Variants in EFHC2 observed in about 807,000 individuals in gnomAD.
EFHC2 encodes the protein EF-hand domain-containing family member C2.
In EFHC2, 18 loss-of-function variants were observed where a neutral mutation model predicts 52.7. That is an observed-to-expected ratio of 0.34 (90% confidence interval 0.24 to 0.51). The LOEUF is 0.51. EFHC2 is among the 20% of genes least tolerant of loss of function. EFHC2 has a pLI of 0.97. For synonymous variants in EFHC2, 203 were observed against 204.1 expected, an observed-to-expected ratio of 0.99 and a Z score of 0.04; for missense variants, 513 against 562.5, an observed-to-expected ratio of 0.91 and a Z score of 0.89.
At chrX:44,263,518 T>C (rs932607570) in intron 3 of EFHC2, among the ~76,000 whole-genome samples, 19 of 111,896 alleles carry the variant, frequency 1.7e-4, no homozygotes, top group African/African-American at 5.8e-4. Context: ...AATAAAACTA[T>C]AAAATTAGAA....
At chrX:44,255,121 A>G (rs1484393755) in intron 4 of EFHC2, among the ~76,000 whole-genome samples, 1 of 112,443 alleles carries the variant, frequency 8.9e-6, no homozygotes, top group Non-Finnish European at 1.9e-5. Flanking sequence ...CTCCTGAAGG[A>G]AGCACTAAAT....
intron 12 of EFHC2, 109 bp downstream of exon 12, chrX:44,178,258 G>A: frequency 1.4e-6 from 1 of 718,971 alleles, no homozygotes; most frequent in East Asian, 3.5e-5. Context: ...GTATGAGTAT[G>A]ATGACACATG....
chrX:44,187,018 CTGAGGTAGGAGGATCATT>C (rs1163853715), intron 11 of EFHC2, among the ~76,000 whole-genome samples: 1 of 105,815 alleles, frequency 9.5e-6, no homozygotes, highest in Non-Finnish European at 1.9e-5. Context: ...ACTCGGGAGG[CTGAGGTAGGAGGATCATT>C]TGAGCCAAGG....
intron 1 of EFHC2, among the ~76,000 whole-genome samples, chrX:44,315,553 A>T (rs1474619180): frequency 9.0e-6 from 1 of 111,205 alleles, no homozygotes; most frequent in African/African-American, 3.3e-5. Flanking sequence ...TGGCCCACCC[A>T]AGCTTACACA....
intron 2 of EFHC2, among the ~76,000 whole-genome samples, chrX:44,296,614 T>C (rs951908172): frequency 8.9e-6 from 1 of 111,944 alleles, no homozygotes; most frequent in African/African-American, 3.2e-5. Context: ...TTATGAATAA[T>C]AGGCATGTAA....
chrX:44,309,199 T>C (rs1233414186), intron 2 of EFHC2: 1 of 381,334 alleles, frequency 2.6e-6, no homozygotes, highest in Admixed American at 3.9e-5. Flanking sequence ...GTTTTAAAGA[T>C]GCTGTTAATG....
At chrX:44,331,841 T>C (rs145346117) in intron 1 of EFHC2, among the ~76,000 whole-genome samples, 2 of 110,536 alleles carry the variant, frequency 1.8e-5, no homozygotes, top group Non-Finnish European at 1.9e-5. Context: ...GGAGGATCGA[T>C]TAATCCAGGG....
intron 2 of EFHC2, among the ~76,000 whole-genome samples, chrX:44,294,817 A>G (rs961072139): frequency 4.5e-5 from 5 of 112,080 alleles, no homozygotes; most frequent in Non-Finnish European, 5.6e-5. Context: ...ATTAGGAAAG[A>G]CTTAATAATA....
intron 2 of EFHC2, among the ~76,000 whole-genome samples, chrX:44,312,343 A>G (rs1008898036): frequency 2.7e-5 from 3 of 112,179 alleles, no homozygotes; most frequent in Non-Finnish European, 5.6e-5. Context: ...CATGTTGTAC[A>G]CCATAAATAT....
At chrX:44,243,404 G>T (rs1190510223) in intron 7 of EFHC2, among the ~76,000 whole-genome samples, 3 of 112,247 alleles carry the variant, frequency 2.7e-5, no homozygotes, top group Non-Finnish European at 5.6e-5. Flanking sequence ...CATAGAGGAA[G>T]AGTACAAATT....
intron 11 of EFHC2, among the ~76,000 whole-genome samples, chrX:44,189,403 C>T (rs1167847842): frequency 8.9e-6 from 1 of 112,152 alleles, no homozygotes; most frequent in Non-Finnish European, 1.9e-5. Flanking sequence ...AATTGAACCA[C>T]AATGTTCAGG....
At chrX:44,291,205 T>C (rs934456133) in intron 2 of EFHC2, among the ~76,000 whole-genome samples, 5 of 111,892 alleles carry the variant, frequency 4.5e-5, no homozygotes, top group African/African-American at 1.6e-4. Context: ...CTCCAAATTC[T>C]TATTTTTTTC....
intron 11 of EFHC2, among the ~76,000 whole-genome samples, chrX:44,204,711 C>A (rs987452875): frequency 5.4e-5 from 6 of 111,549 alleles, no homozygotes; most frequent in Non-Finnish European, 1.1e-4. Context: ...ATGAATAAAA[C>A]CTTTGAGAAA....
intron 1 of EFHC2, among the ~76,000 whole-genome samples, chrX:44,326,717 ATTTTTTTTTTTTT>A (rs773265380): frequency 1.9e-3 from 84 of 45,052 alleles, no homozygotes; most frequent in African/African-American, 7.3e-3. Context: ...ATGGAGTCTG[ATTTTTTTTTTTTT>A]TTTTTTTTTT....
At chrX:44,213,606 T>C (rs1381913924) in intron 11 of EFHC2, among the ~76,000 whole-genome samples, 2 of 112,387 alleles carry the variant, frequency 1.8e-5, no homozygotes, top group Admixed American at 9.4e-5. Context: ...GGTACGTTAT[T>C]ATCTCAAGAT....
At chrX:44,330,523 G>A (rs1269922613) in intron 1 of EFHC2, among the ~76,000 whole-genome samples, 1 of 110,925 alleles carries the variant, frequency 9.0e-6, no homozygotes, top group Non-Finnish European at 1.9e-5. Context: ...AAAAAAACAA[G>A]GCTGGGCACG....
intron 13 of EFHC2, among the ~76,000 whole-genome samples, chrX:44,166,585 A>G (rs2036698216): frequency 8.9e-6 from 1 of 111,885 alleles, no homozygotes; most frequent in Admixed American, 9.5e-5. Flanking sequence ...AAGCCAAAAA[A>G]TTGGGAGACT....
intron 11 of EFHC2, among the ~76,000 whole-genome samples, chrX:44,197,619 T>C (rs2036974895): frequency 8.9e-6 from 1 of 112,039 alleles, no homozygotes; most frequent in South Asian, 3.8e-4. Context: ...CATTCACCTC[T>C]GAGCCTCTGT....
At chrX:44,176,452 A>G in intron 12 of EFHC2, 68 bp from the exon 13 acceptor site, 1 of 748,517 alleles carries the variant, frequency 1.3e-6, no homozygotes, top group East Asian at 3.9e-5. Flanking sequence ...TACATACTAT[A>G]GGAAAGAAAA....
Sources: gnomAD v4.1 joint callset for allele counts (sites outside exome capture counted in the v4.1 genomes callset) on GRCh38, gnomAD v4.1.1 for gene constraint, MANE v1.5 for transcripts, NCBI Gene and HGNC (gene_info 2026-07-23, HGNC 2026-07-21) for gene names.